The following ZGRF1 variants were observed in gnomAD, a reference collection of about 807,000 sequenced individuals.
ZGRF1 encodes 5'-3' DNA helicase ZGRF1.
Under a neutral mutation model 203.5 loss-of-function variants are expected in ZGRF1, and 196 were observed. That is an observed-to-expected ratio of 0.96 (90% CI 0.86 to 1.08). The LOEUF (loss-of-function observed/expected upper bound fraction) is 1.08. Ranked by LOEUF, ZGRF1 falls within the 50% of genes least tolerant of loss-of-function variation. The pLI is 0.00. For synonymous variants in ZGRF1, 809 were observed against 841.3 expected (o/e 0.96, Z 0.66); for missense variants, 2,326 against 2,416.3 (o/e 0.96, Z 0.78).
intron 10 of ZGRF1, among the ~76,000 whole-genome samples, chr4:112,594,001 C>G (rs905924916): frequency 6.6e-6 from 1 of 152,116 alleles, no homozygotes; most frequent in Non-Finnish European, 1.5e-5. Flanking sequence ...GCAATCCTCC[C>G]GCTTTGGCCT....
At chr4:112,581,172 G>C (rs985174962) in intron 16 of ZGRF1, among the ~76,000 whole-genome samples, 1 of 149,958 alleles carries the variant, frequency 6.7e-6, no homozygotes, top group Non-Finnish European at 1.5e-5. Flanking sequence ...GCAAACTATC[G>C]CAAGGACAAA....
At chr4:112,542,158 A>G (rs1305069509) in intron 24 of ZGRF1, among the ~76,000 whole-genome samples, 1 of 152,116 alleles carries the variant, frequency 6.6e-6, no homozygotes, top group African/African-American at 2.4e-5. Flanking sequence ...CCTGGCAAAC[A>G]TGGTAAAACC....
At chr4:112,593,466 T>C (rs564587462) in intron 10 of ZGRF1, among the ~76,000 whole-genome samples, 1 of 152,350 alleles carries the variant, frequency 6.6e-6, no homozygotes, top group Admixed American at 6.5e-5. Context: ...ATCATGTCAC[T>C]TCATGCTGCA....
At chr4:112,561,911 C>CTTTTTTTTTTTTTTT in intron 18 of ZGRF1, among the ~76,000 whole-genome samples, 1 of 108,196 alleles carries the variant, frequency 9.2e-6, no homozygotes, top group Admixed American at 1.2e-4. Context: ...TTCCTTTTCT[C>CTTTTTTTTTTTTTTT]TTTTTTTTTT....
At chr4:112,631,443 G>A (rs1200105972) in intron 3 of ZGRF1, among the ~76,000 whole-genome samples, 4 of 152,086 alleles carry the variant, frequency 2.6e-5, no homozygotes, top group African/African-American at 7.2e-5. Context: ...GCTGAGGCAG[G>A]CAGCTCACCT....
At chr4:112,557,606 A>G (rs576807317) in intron 20 of ZGRF1, among the ~76,000 whole-genome samples, 1 of 152,302 alleles carries the variant, frequency 6.6e-6, no homozygotes, top group African/African-American at 2.4e-5. Flanking sequence ...CCCAAGTCAC[A>G]TGAGGAGACA....
At chr4:112,555,874 T>A (rs540416511) in intron 20 of ZGRF1, among the ~76,000 whole-genome samples, 31 of 152,052 alleles carry the variant, frequency 2.0e-4, no homozygotes, top group Admixed American at 3.9e-4. Flanking sequence ...ATCTCTTTTA[T>A]AAGTTTCCTG....
intron 24 of ZGRF1, among the ~76,000 whole-genome samples, chr4:112,543,632 CAGGG>C (rs1228544740): frequency 6.6e-6 from 1 of 152,024 alleles, no homozygotes. Flanking sequence ...TTTGTTAAAA[CAGGG>C]AGGGAAAATG....
chr4:112,549,743 C>T (rs1036904584), intron 22 of ZGRF1, among the ~76,000 whole-genome samples: 1 of 151,682 alleles, frequency 6.6e-6, no homozygotes, highest in Non-Finnish European at 1.5e-5. Flanking sequence ...CTATAGTATA[C>T]TTTTAATATT....
At chr4:112,574,189 C>T (rs182180528) in intron 16 of ZGRF1, among the ~76,000 whole-genome samples, 29 of 152,162 alleles carry the variant, frequency 1.9e-4, no homozygotes, top group Admixed American at 1.6e-3. Context: ...TTCATAACAC[C>T]CTGTTCACAA....
At chr4:112,560,268 AGAAG>A (rs1199695102) in intron 19 of ZGRF1, among the ~76,000 whole-genome samples, 1 of 152,218 alleles carries the variant, frequency 6.6e-6, no homozygotes, top group Admixed American at 6.5e-5. Flanking sequence ...GGTAAATTGG[AGAAG>A]GAAGGCAGGA....
intron 17 of ZGRF1, 34 bp from the exon 18 acceptor site, chr4:112,562,519 G>T: frequency 7.7e-7 from 1 of 1,291,350 alleles, no homozygotes; most frequent in Non-Finnish European, 1.1e-6. Flanking sequence ...AACATTTGAT[G>T]TAAATAAAAT....
Position 112,629,529 on chromosome 4 carries a change from G to A in ZGRF1, c.102+2401C>T, listed in dbSNP as rs567885804. 7.0e-4 allele frequency among the ~76,000 whole-genome samples: 107 copies of A among 151,888 alleles called. 1 individual carries two copies. Among genetic ancestry groups the A allele is most frequent in the Non-Finnish European group, 1.3e-3 (88 of 67,978 alleles). Reference sequence around the variant, plus strand: ...CTACAAAAAATGTAAAAATTGCCAGGTGAGGTGGTGTGTGCCTGTGGTTCC... The same window carrying A: ...CTACAAAAAATGTAAAAATTGCCAGATGAGGTGGTGTGTGCCTGTGGTTCC... On this transcript the variant is annotated intron_variant, in intron 3 of 27. Transcript: ENST00000505019.
intron 10 of ZGRF1, among the ~76,000 whole-genome samples, chr4:112,597,923 AAG>A (rs1490977722): frequency 4.4e-4 from 57 of 128,374 alleles, no homozygotes; most frequent in African/African-American, 1.3e-3. Context: ...AAAAAAAAAA[AAG>A]AATAAAGCAG....
chr4:112,560,644 T>C (rs1741783111), intron 19 of ZGRF1, 89 bp downstream of exon 19: 4 of 1,161,614 alleles, frequency 3.4e-6, no homozygotes, highest in Non-Finnish European at 4.9e-6. Context: ...TTGAACCTCA[T>C]TTGACTAGGA....
intron 11 of ZGRF1, 73 bp downstream of exon 11, chr4:112,589,651 G>A (rs753706413): frequency 3.1e-5 from 40 of 1,309,118 alleles, no homozygotes; most frequent in Non-Finnish European, 4.3e-5. Flanking sequence ...TATATTTAGT[G>A]TAATAATCTC....
At chr4:112,565,597 T>C (rs1004445515) in intron 16 of ZGRF1, among the ~76,000 whole-genome samples, 17 of 152,012 alleles carry the variant, frequency 1.1e-4, no homozygotes, top group African/African-American at 3.9e-4. Flanking sequence ...AACCTACTCA[T>C]CTGACAAAGG....
intron 10 of ZGRF1, among the ~76,000 whole-genome samples, chr4:112,594,932 T>C (rs1436029837): frequency 6.6e-6 from 1 of 152,148 alleles, no homozygotes; most frequent in East Asian, 1.9e-4. Flanking sequence ...CTATGTTTTG[T>C]TAGATTTTAA....
Position 112,560,989 on chromosome 4 carries a change from C to A in ZGRF1, c.4704G>T (p.Ser1568=). 6.2e-7 allele frequency: 1 copy of A among 1,604,566 alleles called. No homozygotes were observed. Among genetic ancestry groups the A allele is most frequent in the Non-Finnish European group, 8.5e-7 (1 of 1,173,326 alleles). The stretch of plus-strand genomic sequence containing the variant: ...CTCTTTTGTTACTAACTATAGTTGG[C>A]GAAGACCTAATAAAAATGAAGCAAA... ...PLTQYLLTTS[S]PTIVSNKRVS... Residue 1568 remains serine, a synonymous_variant, in exon 19 of 28, where the codon TCG becomes TCT. Coordinates refer to ENST00000505019, the MANE Select transcript of ZGRF1 (RefSeq NM_018392.5).
Sources: allele counts gnomAD v4.1 joint callset (sites outside exome capture counted in the v4.1 genomes callset), GRCh38; gene constraint gnomAD v4.1.1; transcripts MANE v1.5; gene names NCBI Gene and HGNC (gene_info 2026-07-23, HGNC 2026-07-21).